STPG2: variants seen among roughly 807,000 people sequenced by gnomAD.
STPG2 encodes sperm-tail PG-rich repeat-containing protein 2.
STPG2 carries 56 observed loss-of-function variants against 54.2 expected under a neutral mutation model. The observed-to-expected ratio is 1.03, with a 90% CI of 0.83 to 1.29. The LOEUF is 1.29. STPG2 is among the 50% of genes most tolerant of loss of function. The pLI, the probability that STPG2 is intolerant of heterozygous loss-of-function variation, is 0.00. For missense variants in STPG2, 596 were observed against 544.9 expected (o/e 1.09, Z -0.93); for synonymous variants, 200 against 181.8 (o/e 1.10, Z -0.81).
chr4:98,098,552 A>G (rs1738929123), intron 5 of STPG2, among the ~76,000 whole-genome samples: 1 of 152,186 alleles, frequency 6.6e-6, no homozygotes, highest in Admixed American at 6.5e-5. Flanking sequence ...TCTCCAGGAC[A>G]TTGGACTGGG....
intron 10 of STPG2, among the ~76,000 whole-genome samples, chr4:97,622,003 T>C (rs1734023574): frequency 6.6e-6 from 1 of 152,200 alleles, no homozygotes; most frequent in African/African-American, 2.4e-5. Flanking sequence ...ATTCATTACA[T>C]AAATAGAACT....
intron 3 of STPG2, among the ~76,000 whole-genome samples, chr4:98,110,342 G>A (rs2865981): frequency 0.4 from 60,078 of 151,930 alleles, 12,128 homozygotes; most frequent in Middle Eastern, 0.46. Context: ...CAGGAGTTGC[G>A]CGAATGGGCT....
At chr4:97,976,484 T>C (rs1377929029) in intron 6 of STPG2, among the ~76,000 whole-genome samples, 1 of 152,084 alleles carries the variant, frequency 6.6e-6, no homozygotes, top group East Asian at 1.9e-4. Context: ...TATGGTTCAC[T>C]CACATTAGAA....
intron 6 of STPG2, among the ~76,000 whole-genome samples, chr4:97,980,329 T>A (rs1734632085): frequency 6.6e-6 from 1 of 152,228 alleles, no homozygotes; most frequent in African/African-American, 2.4e-5. Context: ...TACAGTAGAT[T>A]AAAGTTGGCC....
intron 5 of STPG2, among the ~76,000 whole-genome samples, chr4:98,013,884 GTCTA>G (rs1240769858): frequency 5.3e-5 from 8 of 151,888 alleles, no homozygotes; most frequent in African/African-American, 1.9e-4. Context: ...GTAGCTAGTG[GTCTA>G]TCTATTTTGT....
At chr4:97,776,451 A>G (rs1726377770) in intron 9 of STPG2, among the ~76,000 whole-genome samples, 1 of 152,144 alleles carries the variant, frequency 6.6e-6, no homozygotes, top group Non-Finnish European at 1.5e-5. Flanking sequence ...GTCTCCTTTA[A>G]CTTATTTTCC....
chr4:97,963,144 G>A (rs935657165), intron 7 of STPG2, among the ~76,000 whole-genome samples: 2 of 150,990 alleles, frequency 1.3e-5, no homozygotes, highest in Non-Finnish European at 2.9e-5. Context: ...GGGCAACAGA[G>A]CAACACTCCA....
At chr4:97,643,775 C>T (rs748804507) in intron 10 of STPG2, among the ~76,000 whole-genome samples, 9 of 151,762 alleles carry the variant, frequency 5.9e-5, no homozygotes, top group Middle Eastern at 3.4e-3. Context: ...CTTTATATTA[C>T]GAGTGTCTGA....
chr4:98,021,324 C>A (rs562159387), intron 5 of STPG2, among the ~76,000 whole-genome samples: 1 of 131,404 alleles, frequency 7.6e-6, no homozygotes, highest in East Asian at 2.1e-4. Context: ...TGTAGTTGAG[C>A]GGTTTTGAGT....
chr4:97,578,417 G>A (rs1732777440), intron 10 of STPG2, among the ~76,000 whole-genome samples: 1 of 152,120 alleles, frequency 6.6e-6, no homozygotes, highest in African/African-American at 2.4e-5. Context: ...TGGGTAGCCT[G>A]AGGATCCAAT....
intron 3 of STPG2, among the ~76,000 whole-genome samples, chr4:98,117,204 T>TTGAAATCAA (rs1739545142): frequency 6.6e-6 from 1 of 152,000 alleles, no homozygotes; most frequent in Non-Finnish European, 1.5e-5. Flanking sequence ...ATAGCTTTGC[T>TTGAAATCAA]GATTCTGGAA....
At chr4:97,978,689 C>T (rs1183367887) in intron 6 of STPG2, among the ~76,000 whole-genome samples, 1 of 152,034 alleles carries the variant, frequency 6.6e-6, no homozygotes, top group East Asian at 1.9e-4. Context: ...AAAAGTAATA[C>T]AGTGTATAAC....
intron 9 of STPG2, among the ~76,000 whole-genome samples, chr4:97,770,047 C>T (rs1726173218): frequency 6.6e-6 from 1 of 151,926 alleles, no homozygotes; most frequent in Non-Finnish European, 1.5e-5. Context: ...CCCATCTCTA[C>T]TAAAAATACA....
intron 3 of STPG2, among the ~76,000 whole-genome samples, chr4:98,121,780 G>A (rs556535617): frequency 1.0e-3 from 152 of 152,100 alleles, no homozygotes; most frequent in Middle Eastern, 3.4e-3. Context: ...GGAGTGCAGT[G>A]GCATGATCTC....
At chr4:97,481,791 A>T (rs1730226962) in intron 4 of STPG2, among the ~76,000 whole-genome samples, 3 of 151,504 alleles carry the variant, frequency 2.0e-5, no homozygotes, top group Non-Finnish European at 4.4e-5. Context: ...TGTCTGTGAA[A>T]AAAAGACAGT....
intron 9 of STPG2, among the ~76,000 whole-genome samples, chr4:97,821,153 G>T (rs1489583207): frequency 6.6e-6 from 1 of 152,168 alleles, no homozygotes; most frequent in Non-Finnish European, 1.5e-5. Flanking sequence ...GTACAATGGA[G>T]GTTCAGGAAT....
intron 5 of STPG2, among the ~76,000 whole-genome samples, chr4:98,039,273 G>A (rs1297790293): frequency 6.6e-6 from 1 of 151,470 alleles, no homozygotes; most frequent in Non-Finnish European, 1.5e-5. Context: ...TTCTACACTG[G>A]AGGAAAACTA....
chr4:98,103,850 C>T (rs1171252277), intron 5 of STPG2, among the ~76,000 whole-genome samples: 3 of 152,040 alleles, frequency 2.0e-5, no homozygotes, highest in Admixed American at 1.3e-4. Flanking sequence ...TCTTTGTATT[C>T]TCTTCTATAG....
At chr4:97,951,408 T>C (rs1733463456) in intron 7 of STPG2, among the ~76,000 whole-genome samples, 1 of 152,220 alleles carries the variant, frequency 6.6e-6, no homozygotes, top group Non-Finnish European at 1.5e-5. Flanking sequence ...TGTCATATTA[T>C]CAGAATTATT....
Sources: gnomAD v4.1 joint callset for allele counts (sites outside exome capture counted in the v4.1 genomes callset) on GRCh38, gnomAD v4.1.1 for gene constraint, MANE v1.5 for transcripts, NCBI Gene and HGNC (gene_info 2026-07-23, HGNC 2026-07-21) for gene names.